The following HTRA3 variants were observed in gnomAD, a reference collection of about 807,000 sequenced individuals.
HTRA3 encodes the protein serine protease HTRA3.
Under a neutral mutation model 43.2 loss-of-function variants are expected in HTRA3, and 41 were observed. The observed-to-expected ratio is 0.95, with a 90% CI of 0.74 to 1.23. The LOEUF (loss-of-function observed/expected upper bound fraction) is 1.23, where lower values mean the gene tolerates loss of function less well. Among genes scored for constraint, HTRA3 ranks in the 50% most tolerant of loss-of-function variants. HTRA3 has a pLI of 0.00. For missense variants in HTRA3, 628 were observed against 647.1 expected (o/e 0.97, Z 0.32); for synonymous variants, 295 against 287.9 (o/e 1.02, Z -0.25).
In HTRA3 at chr4:8,295,575, T is replaced by C; in HGVS notation, c.1051+1374T>C. On this transcript the variant is annotated intron_variant, in intron 6 of 8. Transcript: ENST00000307358. This position sits in a 1 kb window ranked among gnomAD's most constrained non-coding sequence, Gnocchi z 6.9. ...TGGGGGCCTCTCCCTCCCCACCTTCTCTTCAGCCCTAGTGAGCTTCTCCCT... is the reference window on the plus strand; with the variant it reads ...TGGGGGCCTCTCCCTCCCCACCTTCCCTTCAGCCCTAGTGAGCTTCTCCCT... The C allele has an allele frequency of 1.6e-6, 1 of 630,496 alleles. No homozygotes were observed. Among genetic ancestry groups the C allele is most frequent in the African/African-American group, 1.9e-5 (1 of 52,820 alleles). 39.1% of individuals were successfully genotyped at this position (630,496 alleles called of 1,614,324 possible).
At chr4:8,300,810 TTTA>T (rs1424600580) in intron 6 of HTRA3, among the ~76,000 whole-genome samples, 4 of 151,978 alleles carry the variant, frequency 2.6e-5, no homozygotes, top group African/African-American at 7.2e-5. Context: ...CACTCTCAGC[TTTA>T]TTATTGATTC....
intron 2 of HTRA3, 70 bp downstream of exon 2, chr4:8,282,606 C>A (rs1403235370): frequency 1.6e-6 from 2 of 1,224,812 alleles, no homozygotes; most frequent in African/African-American, 3.0e-5. Flanking sequence ...TGCTGGGGCC[C>A]AAACCAGGCT....
At chr4:8,275,870 C>A (rs932408442) in intron 1 of HTRA3, among the ~76,000 whole-genome samples, 1 of 152,258 alleles carries the variant, frequency 6.6e-6, no homozygotes, top group African/African-American at 2.4e-5. Flanking sequence ...CTGCCCTGAG[C>A]CCAGGTCCCC....
intron 1 of HTRA3, among the ~76,000 whole-genome samples, chr4:8,280,221 C>T (rs1202117410): frequency 6.6e-6 from 1 of 152,174 alleles, no homozygotes; most frequent in Non-Finnish European, 1.5e-5. Context: ...TGCCCTGGCG[C>T]TTCTCCTCAG....
At position 8,297,312 on chromosome 4, in the gene HTRA3, C is replaced by T. The variant is rs766465790; in HGVS notation, c.1051+3111C>T. The stretch of plus-strand genomic sequence containing the variant: ...GTCCCCTATCCTGAGCACAGTGAGT[C>T]GTGCTTTCCCCAGCTCTGGCCCAGG... On this transcript the variant is annotated intron_variant, in intron 6 of 8. Transcript: ENST00000307358. This position sits in a 1 kb window ranked among gnomAD's most constrained non-coding sequence, Gnocchi z 5.8. 6.6e-6 allele frequency among the ~76,000 whole-genome samples: 1 copy of T among 152,004 alleles called. No individual in the cohort carries two copies. Among genetic ancestry groups the T allele is most frequent in the South Asian group, 2.1e-4 (1 of 4,828 alleles).
intron 6 of HTRA3, among the ~76,000 whole-genome samples, chr4:8,300,214 T>C (rs1222617519): frequency 6.6e-6 from 1 of 152,242 alleles, no homozygotes; most frequent in East Asian, 1.9e-4. Context: ...TGAGGGATAT[T>C]GGTCTAGTTT....
chr4:8,282,181 G>T (rs1712774284), intron 1 of HTRA3, among the ~76,000 whole-genome samples: 1 of 152,186 alleles, frequency 6.6e-6, no homozygotes, highest in Admixed American at 6.5e-5. Flanking sequence ...GTCCAGTGAG[G>T]GGGGTGAGGA....
At chr4:8,281,274 T>G (rs930736486) in intron 1 of HTRA3, among the ~76,000 whole-genome samples, 1 of 152,154 alleles carries the variant, frequency 6.6e-6, no homozygotes, top group African/African-American at 2.4e-5. Flanking sequence ...TCGGTCCCCA[T>G]GCCCGGCCAC....
At chr4:8,271,466 G>C (rs1402496697) in intron 1 of HTRA3, among the ~76,000 whole-genome samples, 1 of 152,200 alleles carries the variant, frequency 6.6e-6, no homozygotes, top group African/African-American at 2.4e-5. Context: ...GTTCCTGGGA[G>C]CCCCGTGTGG....
At chr4:8,271,931 G>T (rs1170532438) in intron 1 of HTRA3, among the ~76,000 whole-genome samples, 2 of 152,214 alleles carry the variant, frequency 1.3e-5, no homozygotes, top group African/African-American at 2.4e-5. Flanking sequence ...AGACTGCCCA[G>T]GAGGCTGAGG....
At chr4:8,282,672 A>G in intron 2 of HTRA3, 136 bp downstream of exon 2, 1 of 679,094 alleles carries the variant, frequency 1.5e-6, no homozygotes, top group Non-Finnish European at 2.6e-6. Flanking sequence ...GGCTGACCTC[A>G]GTCACATCTG....
intron 6 of HTRA3, among the ~76,000 whole-genome samples, chr4:8,298,226 A>C (rs1440930917): frequency 6.6e-6 from 1 of 152,224 alleles, no homozygotes; most frequent in South Asian, 2.1e-4. Context: ...AAAGCCTTCC[A>C]GGGCCCACTG....
chr4:8,291,679 A>G, intron 4 of HTRA3, 115 bp downstream of exon 4: 1 of 705,716 alleles, frequency 1.4e-6, no homozygotes, highest in Non-Finnish European at 2.3e-6. Flanking sequence ...GGCACTCGAC[A>G]CATCCACTTG....
chr4:8,291,466 G>A lies in HTRA3; in HGVS notation c.805G>A (p.Val269Met), dbSNP rs111620813. The A allele has an allele frequency of 9.9e-3, 15,918 of 1,613,146 alleles. 132 individuals carry two copies. The highest frequency in any genetic ancestry group is 0.011 in the Non-Finnish European group (12,581 of 1,180,028). The change falls in exon 4 of 9, where the codon GTG becomes ATG. Residue 269 changes from valine (V) to methionine (M), a missense_variant. Coordinates refer to ENST00000307358, the MANE Select transcript of HTRA3 (RefSeq NM_053044.5). The stretch of plus-strand genomic sequence containing the variant: ...CAGTCCCTTCGCCCTACAGAACACA[G>A]TGACAACGGGCATCGTCAGCACTGC... ...IGSPFALQNT[V>M]TTGIVSTAQR... is the part of the protein sequence containing the mutation.
In HTRA3 at chr4:8,306,445, T is replaced by G; in HGVS notation, c.*309T>G. Reference sequence around the variant, plus strand: ...CATGGAGGTCCCCTCCTCTCCTAGCTTCCCGCCTCTGCCCCTGTGAACACC... The same window carrying G: ...CATGGAGGTCCCCTCCTCTCCTAGCGTCCCGCCTCTGCCCCTGTGAACACC... On this transcript the variant is annotated 3_prime_UTR_variant, in exon 9 of 9. Coordinates refer to ENST00000307358, the MANE Select transcript of HTRA3 (RefSeq NM_053044.5). This position sits in a 1 kb window ranked among gnomAD's most constrained non-coding sequence, Gnocchi z 8.9. 2 of 279,678 alleles carry G rather than the reference T, an allele frequency of 7.2e-6. No homozygotes were observed. The highest frequency in any genetic ancestry group is 1.4e-5 in the Non-Finnish European group (2 of 146,952). The allele number at this position is 279,678 out of a possible 1,614,324, so 17.3% of individuals were successfully genotyped here. A position where few individuals can be genotyped will look rare whatever the true frequency, so the allele number is the denominator to read the frequency against.
Position 8,296,612 on chromosome 4 carries a change from G to A in HTRA3, c.1051+2411G>A. The A allele has an allele frequency of 1.2e-6, 1 of 824,600 alleles. No individual in the cohort carries two copies. The highest frequency in any genetic ancestry group is 1.5e-6 in the Non-Finnish European group (1 of 683,420). 51.1% of individuals were successfully genotyped at this position (824,600 alleles called of 1,614,324 possible). On this transcript the variant is annotated intron_variant, in intron 6 of 8. Coordinates refer to ENST00000307358, the MANE Select transcript of HTRA3 (RefSeq NM_053044.5). The surrounding 1 kb of genome is among the most constrained non-coding windows in gnomAD (Gnocchi z 5.3). ...TTTCAGGGTAAAGAGTGGCCACCAT[G>A]CATGTTGGGGGAGCCCCAGGAGGGC...
intron 6 of HTRA3, among the ~76,000 whole-genome samples, chr4:8,301,488 TTTA>T (rs1301319361): frequency 1.3e-5 from 2 of 151,878 alleles, no homozygotes; most frequent in Non-Finnish European, 1.5e-5. Context: ...CACTCTCAGC[TTTA>T]TTGATTCACA....
Position 8,304,223 on chromosome 4 carries a change from A to C in HTRA3, c.1140A>C (p.Pro380=). ...DELKASNPDF[P]EVSSGIYVQE... The stretch of plus-strand genomic sequence containing the variant: ...TGAAGGCCAGCAACCCGGACTTCCC[A>C]GAGGTCAGCAGTGGAATTTATGTGC... Residue 380 remains proline, a synonymous_variant, in exon 8 of 9, where the codon CCA becomes CCC. Coordinates refer to ENST00000307358, the MANE Select transcript of HTRA3 (RefSeq NM_053044.5). 6.2e-7 allele frequency: 1 copy of C among 1,614,216 alleles called. No homozygotes were observed. The highest frequency in any genetic ancestry group is 8.5e-7 in the Non-Finnish European group (1 of 1,180,030).
At position 8,291,419 on chromosome 4, in the gene HTRA3, G is replaced by C. The variant is rs138438624; in HGVS notation, c.758G>C (p.Gly253Ala). The C allele has an allele frequency of 8.1e-6, 13 of 1,613,392 alleles. No individual in the cohort carries two copies. Among genetic ancestry groups the C allele is most frequent in the Non-Finnish European group, 9.3e-6 (11 of 1,180,034 alleles). Residue 253 changes from glycine to alanine, a missense_variant, in exon 4 of 9, where the codon GGG becomes GCG. Coordinates refer to ENST00000307358, the MANE Select transcript of HTRA3 (RefSeq NM_053044.5). ...GGTCACTCGGCCGACCTGCGGCCTG[G>C]GGAGTTTGTGGTGGCCATCGGCAGT... The part of the protein sequence containing the change: ...LLGHSADLRP[G>A]EFVVAIGSPF...
Sources: allele counts gnomAD v4.1 joint callset (sites outside exome capture counted in the v4.1 genomes callset), GRCh38; gene constraint gnomAD v4.1.1; non-coding constraint Gnocchi (gnomAD v3.1); transcripts MANE v1.5; gene names NCBI Gene and HGNC (gene_info 2026-07-23, HGNC 2026-07-21).